The following ARL13B variants were observed in gnomAD, a reference collection of about 807,000 sequenced individuals.
The protein encoded by ARL13B is ARF like GTPase 13B, also known as ADP-ribosylation factor-like protein 13B.
In ARL13B, 36 loss-of-function variants were observed where a neutral mutation model predicts 56.1. The ratio of observed to expected loss-of-function variants is 0.64; its 90% confidence interval spans 0.49 to 0.85. ARL13B has a LOEUF of 0.85. ARL13B is among the 40% of genes least tolerant of loss of function. The pLI is 0.00. For missense variants in ARL13B, 519 were observed against 507.1 expected, an observed-to-expected ratio of 1.02 and a Z score of -0.23; for synonymous variants, 178 against 171.1, an observed-to-expected ratio of 1.04 and a Z score of -0.32.
intron 3 of ARL13B, among the ~76,000 whole-genome samples, chr3:94,011,661 T>A (rs2076226355): frequency 6.6e-6 from 1 of 152,154 alleles, no homozygotes; most frequent in Non-Finnish European, 1.5e-5. Flanking sequence ...TTTCTGCTCT[T>A]ACATAATAGT....
At chr3:94,016,498 A>G (rs957118243) in intron 3 of ARL13B, among the ~76,000 whole-genome samples, 1 of 152,210 alleles carries the variant, frequency 6.6e-6, no homozygotes, top group Non-Finnish European at 1.5e-5. Flanking sequence ...GGAACTTTAT[A>G]CTAAAAATAA....
chr3:93,992,218 G>C (rs2075889168), intron 1 of ARL13B, among the ~76,000 whole-genome samples: 1 of 152,026 alleles, frequency 6.6e-6, no homozygotes, highest in South Asian at 2.1e-4. Context: ...CAAGAATGGA[G>C]AAAAACGTGA....
At chr3:93,988,975 C>T in intron 1 of ARL13B, 1 of 300,402 alleles carries the variant, frequency 3.3e-6, no homozygotes, top group South Asian at 3.0e-5. Flanking sequence ...ACTTGCTGGG[C>T]ACCTGTGGGC....
intron 3 of ARL13B, among the ~76,000 whole-genome samples, chr3:94,030,982 G>C (rs1006379957): frequency 2.0e-5 from 3 of 152,002 alleles, no homozygotes; most frequent in Non-Finnish European, 4.4e-5. Flanking sequence ...GACCAGCCTG[G>C]GGAACATAGT....
At chr3:94,029,538 A>G (rs1228401142) in intron 3 of ARL13B, among the ~76,000 whole-genome samples, 7 of 151,060 alleles carry the variant, frequency 4.6e-5, no homozygotes, top group Admixed American at 4.6e-4. Flanking sequence ...ATGGGGTTTC[A>G]CCATGTTTGC....
chr3:94,014,013 T>C (rs1402896477), intron 3 of ARL13B, among the ~76,000 whole-genome samples: 1 of 152,194 alleles, frequency 6.6e-6, no homozygotes, highest in East Asian at 1.9e-4. Context: ...TTCTTAACTA[T>C]TAAAATATTC....
chr3:94,041,755 G>A (rs912470997), intron 6 of ARL13B, among the ~76,000 whole-genome samples: 1 of 152,080 alleles, frequency 6.6e-6, no homozygotes, highest in Non-Finnish European at 1.5e-5. Context: ...GGTTACCAAA[G>A]GCAGTTTCCT....
chr3:93,982,852 T>C (rs1280423800), intron 1 of ARL13B, among the ~76,000 whole-genome samples: 1 of 152,170 alleles, frequency 6.6e-6, no homozygotes, highest in Non-Finnish European at 1.5e-5. Flanking sequence ...CTGAAGTAAA[T>C]AACATTAGCA....
chr3:93,994,658 G>T (rs1445147153), intron 1 of ARL13B, among the ~76,000 whole-genome samples: 1 of 152,024 alleles, frequency 6.6e-6, no homozygotes, highest in African/African-American at 2.4e-5. Context: ...GATGGTCAGT[G>T]GTTATTTATT....
At chr3:93,989,811 T>C (rs1175177504) in intron 1 of ARL13B, among the ~76,000 whole-genome samples, 3 of 152,146 alleles carry the variant, frequency 2.0e-5, no homozygotes, top group East Asian at 1.9e-4. Flanking sequence ...ATACCTCTTA[T>C]GTTACTTATT....
chr3:94,028,330 C>T (rs1322574909), intron 3 of ARL13B: 6 of 152,104 alleles, frequency 3.9e-5, no homozygotes, highest in Non-Finnish European at 8.8e-5. Flanking sequence ...CTATGGATAC[C>T]TCATATTAAA....
At chr3:93,997,460 T>C (rs1413914509) in intron 2 of ARL13B, among the ~76,000 whole-genome samples, 1 of 152,228 alleles carries the variant, frequency 6.6e-6, no homozygotes, top group East Asian at 1.9e-4. Flanking sequence ...AATGCTACTC[T>C]GTAATGTTAA....
chr3:94,032,357 T>C (rs1246207835), intron 3 of ARL13B, among the ~76,000 whole-genome samples: 2 of 152,210 alleles, frequency 1.3e-5, no homozygotes, highest in Non-Finnish European at 2.9e-5. Context: ...AAATACCATC[T>C]CACACCAGTC....
chr3:94,027,136 T>G (rs1188368384), intron 3 of ARL13B, among the ~76,000 whole-genome samples: 1 of 152,096 alleles, frequency 6.6e-6, no homozygotes, highest in East Asian at 1.9e-4. Context: ...TCAAGAAATA[T>G]GACCAGTTTT....
rs1426038656 is a variant in ARL13B, at chr3:94,001,162, G to A, written c.131-2497G>A. 5.9e-5 allele frequency among the ~76,000 whole-genome samples: 9 copies of A among 152,148 alleles called. No homozygotes were observed. The East Asian group carries it at 1.7e-3, about 29-fold the overall frequency. ...AGAAGTAGGAGGAATCATCAAAAAA[G>A]GATTTATGGGGAAAGTTGTACCTGA... On this transcript the variant is annotated intron_variant, in intron 2 of 9. Coordinates refer to ENST00000394222, the MANE Select transcript of ARL13B (RefSeq NM_001174150.2).
intron 3 of ARL13B, among the ~76,000 whole-genome samples, chr3:94,008,991 G>T (rs1226940046): frequency 2.6e-5 from 4 of 152,030 alleles, no homozygotes; most frequent in Non-Finnish European, 1.5e-5. Context: ...CTTACTGGAT[G>T]TTATGAGCAT....
At chr3:94,042,425 GT>G (rs1463701250) in intron 6 of ARL13B, among the ~76,000 whole-genome samples, 1 of 152,060 alleles carries the variant, frequency 6.6e-6, no homozygotes, top group African/African-American at 2.4e-5. Flanking sequence ...GAAATACTTT[GT>G]TCATTGATAC....
In ARL13B at chr3:94,050,867, G is replaced by A; in HGVS notation, c.1185G>A (p.Glu395=). The part of the protein sequence containing the change: ...TPKVTRLPKL[E]PLGETHHNDF... The stretch of plus-strand genomic sequence containing the variant: ...AAGTCACTAGACTTCCAAAACTTGA[G>A]CCTCTTGGTGAAACACATCATAATG... The change falls in exon 9 of 10, where the codon GAG becomes GAA. Residue 395 remains glutamate (E), a synonymous_variant. Transcript: ENST00000394222. 1.2e-6 allele frequency: 2 copies of A among 1,613,024 alleles called. No homozygotes were observed. Among genetic ancestry groups the A allele is most frequent in the Non-Finnish European group, 1.7e-6 (2 of 1,179,738 alleles).
At chr3:94,043,294 T>C in intron 7 of ARL13B, 54 bp downstream of exon 7, 1 of 1,426,296 alleles carries the variant, frequency 7.0e-7, no homozygotes, top group South Asian at 1.3e-5. Context: ...AAATAAAACT[T>C]ATACTTCATC....
Sources: gnomAD v4.1 joint callset for allele counts (sites outside exome capture counted in the v4.1 genomes callset) on GRCh38, gnomAD v4.1.1 for gene constraint, MANE v1.5 for transcripts, NCBI Gene and HGNC (gene_info 2026-07-23, HGNC 2026-07-21) for gene names.